Variants in GALNTL6 observed in about 807,000 individuals in gnomAD.
The protein encoded by GALNTL6 is polypeptide N-acetylgalactosaminyltransferase-like 6.
A neutral mutation model predicts 73.7 loss-of-function variants in GALNTL6; 46 were observed. The observed-to-expected ratio is 0.62, with a 90% CI of 0.49 to 0.80. GALNTL6 has a LOEUF of 0.80. Among genes scored for constraint, GALNTL6 ranks in the 30% least tolerant of loss-of-function variants. The pLI is 0.00. For synonymous variants in GALNTL6, 259 were observed against 263.7 expected (o/e 0.98, Z 0.17); for missense variants, 604 against 755.0 (o/e 0.80, Z 2.34).
intron 5 of GALNTL6, among the ~76,000 whole-genome samples, chr4:172,637,799 A>T (rs959467016): frequency 6.6e-6 from 1 of 152,170 alleles, no homozygotes; most frequent in African/African-American, 2.4e-5. Flanking sequence ...ATCCACTGAA[A>T]ATAATCTACT....
intron 2 of GALNTL6, among the ~76,000 whole-genome samples, chr4:171,959,429 T>C (rs1259622642): frequency 1.3e-5 from 2 of 152,246 alleles, no homozygotes; most frequent in Non-Finnish European, 2.9e-5. Flanking sequence ...TTCTGTAGAA[T>C]AATTCTAATA....
At chr4:172,807,816 G>GTTTGTT (rs547191021) in intron 5 of GALNTL6, among the ~76,000 whole-genome samples, 65 of 152,178 alleles carry the variant, frequency 4.3e-4, no homozygotes, top group Admixed American at 2.5e-3. Context: ...GTATTTGTTT[G>GTTTGTT]TTTGTTTTTG....
intron 2 of GALNTL6, among the ~76,000 whole-genome samples, chr4:171,838,649 G>T (rs772216893): frequency 2.0e-5 from 3 of 152,018 alleles, no homozygotes; most frequent in African/African-American, 7.2e-5. Context: ...ACATTAGTCC[G>T]AGGTGCTTTT....
At chr4:172,018,893 A>T (rs1240958102) in intron 2 of GALNTL6, among the ~76,000 whole-genome samples, 1 of 152,038 alleles carries the variant, frequency 6.6e-6, no homozygotes, top group Non-Finnish European at 1.5e-5. Context: ...TGCAAGCTGG[A>T]GAATGGGAGT....
chr4:172,922,724 C>T (rs1386474800), intron 8 of GALNTL6, among the ~76,000 whole-genome samples: 2 of 152,178 alleles, frequency 1.3e-5, no homozygotes, highest in Non-Finnish European at 2.9e-5. Flanking sequence ...TTCACCTACT[C>T]CACAAATATT....
chr4:172,553,164 A>T (rs1455830833), intron 5 of GALNTL6, among the ~76,000 whole-genome samples: 3 of 152,186 alleles, frequency 2.0e-5, no homozygotes, highest in Admixed American at 2.0e-4. Context: ...GGCCTATACA[A>T]TTAGAAGTTG....
chr4:172,282,738 G>T (rs532459742), intron 3 of GALNTL6, among the ~76,000 whole-genome samples: 23 of 152,050 alleles, frequency 1.5e-4, no homozygotes, highest in African/African-American at 4.8e-4. Flanking sequence ...GGATTAGGGT[G>T]ATGGCGATGG....
intron 2 of GALNTL6, among the ~76,000 whole-genome samples, chr4:172,111,530 C>CTTAG (rs1468112852): frequency 6.6e-6 from 1 of 151,928 alleles, no homozygotes; most frequent in Non-Finnish European, 1.5e-5. Context: ...ATATGAGAAA[C>CTTAG]TTAGCACTTT....
chr4:172,364,397 C>T (rs1282948410), intron 5 of GALNTL6, among the ~76,000 whole-genome samples: 1 of 152,004 alleles, frequency 6.6e-6, no homozygotes, highest in Non-Finnish European at 1.5e-5. Flanking sequence ...CAGCCAGGGC[C>T]ACAGAGTAAG....
At chr4:172,772,662 C>CT (rs1283360094) in intron 5 of GALNTL6, among the ~76,000 whole-genome samples, 255 of 151,230 alleles carry the variant, frequency 1.7e-3, no homozygotes, top group African/African-American at 5.6e-3. Context: ...AACTGTTTTA[C>CT]TTTTTTTTTA....
intron 5 of GALNTL6, among the ~76,000 whole-genome samples, chr4:172,363,779 A>G (rs1742459753): frequency 6.6e-6 from 1 of 152,192 alleles, no homozygotes; most frequent in Non-Finnish European, 1.5e-5. Flanking sequence ...TTTATTGAGA[A>G]TAGAAACCTT....
chr4:171,984,464 A>C (rs537904866), intron 2 of GALNTL6, among the ~76,000 whole-genome samples: 1 of 152,226 alleles, frequency 6.6e-6, no homozygotes, highest in Admixed American at 6.5e-5. Context: ...TTTTGTGGTC[A>C]GAAAGGGTTG....
intron 2 of GALNTL6, among the ~76,000 whole-genome samples, chr4:171,972,348 A>T (rs1461296266): frequency 2.0e-5 from 3 of 152,148 alleles, no homozygotes; most frequent in Admixed American, 2.0e-4. Context: ...TTCAATATTA[A>T]ATGATACTTC....
intron 2 of GALNTL6, among the ~76,000 whole-genome samples, chr4:171,822,796 A>T (rs549816302): frequency 5.9e-5 from 9 of 152,222 alleles, no homozygotes; most frequent in Admixed American, 5.9e-4. Context: ...TTAAAAAGGC[A>T]TATGTACACT....
At position 173,003,647 on chromosome 4, in the gene GALNTL6, T is replaced by A. The variant is rs567428474; in HGVS notation, c.1372-5531T>A. Among the ~76,000 whole-genome samples, 143 of 152,362 alleles carry A rather than the reference T, an allele frequency of 9.4e-4. 2 individuals are homozygous for A. In the South Asian group the frequency reaches 0.028, roughly 30 times the overall value. Reference sequence around the variant, plus strand: ...CTCTGAGGCATGATCGTCTTCATTTTACAAACCTTATGTTGAGCCATGCTA... The same window carrying A: ...CTCTGAGGCATGATCGTCTTCATTTAACAAACCTTATGTTGAGCCATGCTA... On this transcript the variant is annotated intron_variant, in intron 10 of 12. Coordinates refer to ENST00000506823, the MANE Select transcript of GALNTL6 (RefSeq NM_001034845.3).
intron 2 of GALNTL6, among the ~76,000 whole-genome samples, chr4:172,122,971 G>C (rs184799181): frequency 6.6e-6 from 1 of 152,138 alleles, no homozygotes; most frequent in Non-Finnish European, 1.5e-5. Context: ...CTTATAACAG[G>C]TGTTTTATAG....
At chr4:172,982,782 A>C (rs950380278) in intron 10 of GALNTL6, among the ~76,000 whole-genome samples, 8 of 152,190 alleles carry the variant, frequency 5.3e-5, no homozygotes, top group African/African-American at 1.7e-4. Context: ...ATACGAAAAA[A>C]ATTTTTTTTC....
intron 5 of GALNTL6, among the ~76,000 whole-genome samples, chr4:172,464,576 G>A (rs780160056): frequency 2.6e-5 from 4 of 151,952 alleles, no homozygotes; most frequent in Admixed American, 6.6e-5. Flanking sequence ...GTGTGGTGGC[G>A]CATGCCTGTA....
At chr4:173,022,227 G>T (rs1184713102) in intron 12 of GALNTL6, among the ~76,000 whole-genome samples, 2 of 133,158 alleles carry the variant, frequency 1.5e-5, no homozygotes, top group South Asian at 4.3e-4. Flanking sequence ...AAGGAAGGAA[G>T]TTTTGAAAGT....
Sources: gnomAD v4.1 joint callset for allele counts (sites outside exome capture counted in the v4.1 genomes callset) on GRCh38, gnomAD v4.1.1 for gene constraint, MANE v1.5 for transcripts, NCBI Gene and HGNC (gene_info 2026-07-23, HGNC 2026-07-21) for gene names.